The following BLTP1 variants were observed in gnomAD, a reference collection of about 807,000 sequenced individuals.
BLTP1 encodes the protein bridge-like lipid transfer protein family member 1.
At chr4:122,186,523 A>G in the BLTP1 span, among the ~76,000 whole-genome samples, 1 of 152,054 alleles carries the variant, frequency 6.6e-6, no homozygotes, top group African/African-American at 2.4e-5. Flanking sequence ...GTATACATAC[A>G]TATTTAAGGT....
the BLTP1 span, chr4:122,209,931 GT>G: frequency 1.9e-6 from 3 of 1,610,962 alleles, no homozygotes; most frequent in South Asian, 3.3e-5. Flanking sequence ...TCATGTAAGT[GT>G]TTTTATATAA....
the BLTP1 span, among the ~76,000 whole-genome samples, chr4:122,288,095 T>G: frequency 2.6e-5 from 4 of 152,320 alleles, no homozygotes; most frequent in East Asian, 7.7e-4. Flanking sequence ...CCTATTTTAC[T>G]ATGGCCTGAA....
At chr4:122,352,870 AC>A in the BLTP1 span, 3 of 1,608,216 alleles carry the variant, frequency 1.9e-6, no homozygotes, top group Middle Eastern at 5.0e-4. Context: ...CTCATTAGGC[AC>A]TTCAGGATAT....
At chr4:122,157,895 C>T in the BLTP1 span, among the ~76,000 whole-genome samples, 1 of 152,118 alleles carries the variant, frequency 6.6e-6, no homozygotes, top group East Asian at 1.9e-4. Flanking sequence ...TTTCTTTGAA[C>T]TTGATATGAT....
At chr4:122,178,308 C>A in the BLTP1 span, 1 of 226,902 alleles carries the variant, frequency 4.4e-6, no homozygotes, top group South Asian at 1.6e-4. Flanking sequence ...ACTAATGATA[C>A]CTGCATACAA....
chr4:122,209,239 C>T, the BLTP1 span: 1 of 1,612,868 alleles, frequency 6.2e-7, no homozygotes, highest in South Asian at 1.1e-5. Flanking sequence ...TAAAAAATTG[C>T]CATCCAAATA....
the BLTP1 span, chr4:122,244,871 TC>T: frequency 9.6e-7 from 1 of 1,036,376 alleles, no homozygotes; most frequent in South Asian, 2.1e-5. Flanking sequence ...TTGTATAATT[TC>T]TAAATATGTG....
chr4:122,175,012 T>A, the BLTP1 span: 1 of 937,506 alleles, frequency 1.1e-6, no homozygotes, highest in Non-Finnish European at 1.3e-6. Context: ...TTATTAGAGA[T>A]AATAAGTTTA....
chr4:122,277,982 T>C, the BLTP1 span, among the ~76,000 whole-genome samples: 45 of 152,262 alleles, frequency 3.0e-4, no homozygotes, highest in Middle Eastern at 3.4e-3. Context: ...AGAATATACT[T>C]ATTTTCTTCT....
chr4:122,258,343 T>G, the BLTP1 span, among the ~76,000 whole-genome samples: 1 of 152,186 alleles, frequency 6.6e-6, no homozygotes. Flanking sequence ...GTAGATTTTA[T>G]TACTTATTTT....
chr4:122,196,838 C>T, the BLTP1 span: 1 of 1,094,826 alleles, frequency 9.1e-7, no homozygotes, highest in East Asian at 2.9e-5. Context: ...AAAATTTTGA[C>T]ATTATTTTTC....
chr4:122,209,938 T>A, the BLTP1 span: 3 of 1,610,398 alleles, frequency 1.9e-6, no homozygotes, highest in Non-Finnish European at 2.5e-6. Flanking sequence ...AGTGTTTTTA[T>A]ATAATTTGTG....
At chr4:122,304,352 C>T in the BLTP1 span, among the ~76,000 whole-genome samples, 1 of 152,070 alleles carries the variant, frequency 6.6e-6, no homozygotes, top group Non-Finnish European at 1.5e-5. Flanking sequence ...GCTGGGATTA[C>T]AGGCACACAC....
chr4:122,300,615 G>A, the BLTP1 span, among the ~76,000 whole-genome samples: 1 of 151,854 alleles, frequency 6.6e-6, no homozygotes, highest in Non-Finnish European at 1.5e-5. Flanking sequence ...AATTTCAAAA[G>A]CCCAAAAAAG....
chr4:122,238,347 C>G, the BLTP1 span: 5 of 1,612,782 alleles, frequency 3.1e-6, no homozygotes, highest in Non-Finnish European at 3.4e-6. Context: ...GATGGCCAAG[C>G]AAGGTCAGTA....
At chr4:122,305,467 A>G in the BLTP1 span, 1 of 974,106 alleles carries the variant, frequency 1.0e-6, no homozygotes, top group Non-Finnish European at 1.2e-6. Context: ...TATTATGTAG[A>G]TTTTAATCTT....
the BLTP1 span, among the ~76,000 whole-genome samples, chr4:122,158,092 T>G: frequency 6.6e-6 from 1 of 152,212 alleles, no homozygotes; most frequent in Admixed American, 6.5e-5. Context: ...AAAAAAACCT[T>G]TAGAATTTTA....
At chr4:122,276,288 T>C in the BLTP1 span, 11 of 371,712 alleles carry the variant, frequency 3.0e-5, no homozygotes, top group Non-Finnish European at 4.1e-5. Context: ...TTTTCAGACA[T>C]GTTACTATTA....
the BLTP1 span, chr4:122,224,919 G>T: frequency 7.7e-7 from 1 of 1,298,668 alleles, no homozygotes. Context: ...ATATTTCAAA[G>T]AATTTGAGAC....
Sources: allele counts gnomAD v4.1 joint callset (sites outside exome capture counted in the v4.1 genomes callset), GRCh38; gene constraint gnomAD v4.1.1; transcripts MANE v1.5; gene names NCBI Gene and HGNC (gene_info 2026-07-23, HGNC 2026-07-21).